The following SPTBN4 variants were observed in gnomAD, a reference collection of about 807,000 sequenced individuals.
SPTBN4 encodes the protein spectrin beta chain, non-erythrocytic 4.
In SPTBN4, 96 loss-of-function variants were observed where a neutral mutation model predicts 277.8. That is an observed-to-expected ratio of 0.35 (90% CI 0.29 to 0.41). The LOEUF (loss-of-function observed/expected upper bound fraction) is 0.41. Among genes scored for constraint, SPTBN4 ranks in the 10% least tolerant of loss-of-function variants. SPTBN4 has a pLI of 1.00. For missense variants in SPTBN4, 3,006 were observed against 3,595.7 expected (o/e 0.84, Z 4.19); for synonymous variants, 1,481 against 1,580.3 (o/e 0.94, Z 1.49).
intron 1 of SPTBN4, 134 bp from the exon 2 acceptor site, chr19:40,472,473 A>T: frequency 1.3e-6 from 1 of 760,204 alleles, no homozygotes; most frequent in Non-Finnish European, 2.1e-6. Flanking sequence ...CACTGTGCCT[A>T]GGCCTTATCA....
intron 20 of SPTBN4, among the ~76,000 whole-genome samples, chr19:40,548,710 A>G (rs1420595762): frequency 1.3e-5 from 2 of 150,888 alleles, no homozygotes; most frequent in Non-Finnish European, 2.9e-5. Context: ...GCGAGACTCC[A>G]TCTCAAAAAA....
chr19:40,560,317 C>A lies in SPTBN4; in HGVS notation c.5829C>A (p.Asp1943Glu), dbSNP rs147141267. 1 of 1,613,986 alleles carries A rather than the reference C, an allele frequency of 6.2e-7. No individual in the cohort carries two copies. Among genetic ancestry groups the A allele is most frequent in the Non-Finnish European group, 8.5e-7 (1 of 1,180,030 alleles). The change falls in exon 27 of 36, where the codon GAC becomes GAA. Residue 1943 changes from aspartate (D) to glutamate (E), a missense_variant. Asp to Glu is a conservative substitution (Grantham distance 45). Around this residue, in one of 5 missense-constraint regions of SPTBN4, gnomAD observed 425 missense variants for 594.7 expected, o/e 0.71. Coordinates refer to ENST00000598249, the MANE Select transcript of SPTBN4 (RefSeq NM_020971.3). The surrounding 1 kb of genome is among the most constrained non-coding windows in gnomAD (Gnocchi z 5.2). ...DARLHVSSTADALRFHSQVRD... is the reference protein window; with the variant it reads ...DARLHVSSTAEALRFHSQVRD... ...GCCTGCATGTCAGCTCCACAGCCGA[C>A]GCCCTGCGCTTCCACAGCCAAGTCC...
chr19:40,520,023 C>T lies in SPTBN4; in HGVS notation c.3526C>T (p.His1176Tyr). The stretch of plus-strand genomic sequence containing the variant: ...CCTGGCACTAGACGAGTGGCTGCCA[C>T]ACCTCGAACTTGGCTGGCATAAACT... Reference protein sequence around the residue: ...PGLALDEWLPHLELGWHKLLG... With the variant: ...PGLALDEWLPYLELGWHKLLG... The change falls in exon 16 of 36, where the codon CAC becomes TAC. Residue 1176 changes from histidine (H) to tyrosine (Y), a missense_variant. Transcript: ENST00000598249. 1.7e-5 allele frequency: 27 copies of T among 1,563,690 alleles called. No individual in the cohort carries two copies. The highest frequency in any genetic ancestry group is 2.3e-5 in the Non-Finnish European group (27 of 1,158,390).
intron 35 of SPTBN4, among the ~76,000 whole-genome samples, chr19:40,572,976 A>T (rs2081168946): frequency 6.6e-6 from 1 of 151,940 alleles, no homozygotes; most frequent in African/African-American, 2.4e-5. Flanking sequence ...AAATAAAAAT[A>T]AAAAGGGTGA....
At chr19:40,524,529 A>C in intron 17 of SPTBN4, 1 of 450,538 alleles carries the variant, frequency 2.2e-6, no homozygotes, top group Non-Finnish European at 4.5e-6. Context: ...AAAATGTGTT[A>C]ACTTACTTCC....
chr19:40,535,293 A>G (rs372328736), intron 20 of SPTBN4, among the ~76,000 whole-genome samples: 53 of 152,190 alleles, frequency 3.5e-4, no homozygotes, highest in African/African-American at 1.2e-3. Flanking sequence ...CTTGGGCTCA[A>G]GCAACCCTCC....
chr19:40,565,951 TG>T (rs1234631565), intron 29 of SPTBN4, among the ~76,000 whole-genome samples: 2 of 151,382 alleles, frequency 1.3e-5, no homozygotes, highest in East Asian at 3.9e-4. Flanking sequence ...AAGTCCTGGG[TG>T]GGGGGACATT....
At chr19:40,491,191 A>G (rs187956307) in intron 4 of SPTBN4, among the ~76,000 whole-genome samples, 19 of 152,314 alleles carry the variant, frequency 1.2e-4, no homozygotes, top group African/African-American at 4.3e-4. Context: ...TACAAAGATG[A>G]AGAGAGAATG....
chr19:40,532,769 C>T lies in SPTBN4; in HGVS notation c.4093C>T (p.Arg1365Trp), dbSNP rs143836762. Residue 1365 changes from arginine to tryptophan, a missense_variant and splice_region_variant, in exon 19 of 36, where the codon CGG (arginine) becomes TGG (tryptophan). Transcript: ENST00000598249. Reference sequence around the variant, plus strand: ...TAAGGAGTGGCTGGAGAAGATCGAGCGGGTGAGGAAGCTGATGGCCCCTCT... The same window carrying T: ...TAAGGAGTGGCTGGAGAAGATCGAGTGGGTGAGGAAGCTGATGGCCCCTCT... The part of the protein sequence containing the change: ...QNKEWLEKIE[R>W]EGQQLMQEKP... The T allele has an allele frequency of 1.0e-4, 162 of 1,608,766 alleles. No homozygotes were observed. Among genetic ancestry groups the T allele is most frequent in the African/African-American group, 6.6e-4 (49 of 74,748 alleles).
At chr19:40,472,141 T>G (rs1430688856) in intron 1 of SPTBN4, among the ~76,000 whole-genome samples, 1 of 151,950 alleles carries the variant, frequency 6.6e-6, no homozygotes, top group Non-Finnish European at 1.5e-5. Context: ...ACTCCCAACC[T>G]CAGGTGATCC....
rs369190813 is a variant in SPTBN4 at position 40,568,748 on chromosome 19, G to C, written c.6956+466G>C. Among the ~76,000 whole-genome samples the C allele has an allele frequency of 7.3e-4, 111 of 152,268 alleles. 1 individual carries two copies. The South Asian group carries it at 0.022, about 30-fold the overall frequency. On this transcript the variant is annotated intron_variant, in intron 31 of 35. Coordinates refer to ENST00000598249, the MANE Select transcript of SPTBN4 (RefSeq NM_020971.3). Reference sequence around the variant, plus strand: ...ACTAGGGCAACTGAGGCACAAAAAGGGCAAGTCACTCAGCTTAAACGAACC... The same window carrying C: ...ACTAGGGCAACTGAGGCACAAAAAGCGCAAGTCACTCAGCTTAAACGAACC...
At chr19:40,564,267 G>C (rs2081071503) in intron 27 of SPTBN4, among the ~76,000 whole-genome samples, 1 of 152,202 alleles carries the variant, frequency 6.6e-6, no homozygotes, top group South Asian at 2.1e-4. Flanking sequence ...TGAGGCAGGG[G>C]AATCGCTTGA....
At chr19:40,494,672 A>ATC (rs1333055722) in intron 5 of SPTBN4, among the ~76,000 whole-genome samples, 4 of 151,004 alleles carry the variant, frequency 2.6e-5, no homozygotes, top group Non-Finnish European at 3.0e-5. Context: ...GTATCTACCT[A>ATC]TCTCTCTCTC....
In SPTBN4 at chr19:40,515,402, C is replaced by G. The variant is rs2080442759; in HGVS notation, c.2857C>G (p.Pro953Ala). The G allele has an allele frequency of 6.3e-7, 1 of 1,592,620 alleles. No individual in the cohort carries two copies. The highest frequency in any genetic ancestry group is 1.7e-4 in the Middle Eastern group (1 of 6,016). Residue 953 changes from proline (P) to alanine (A), a missense_variant, in exon 15 of 36, where the codon CCC becomes GCC. Transcript: ENST00000598249. The surrounding 1 kb of genome is among the most constrained non-coding windows in gnomAD (Gnocchi z 4.1). ...TVQELVEGGH[P>A]SSDEVRSCQD... ...CCAGGAGCTGGTGGAAGGAGGCCAC[C>G]CCAGTTCAGATGAGGTGCGTTCCTG...
At chr19:40,469,333 C>G (rs186247256) in intron 1 of SPTBN4, among the ~76,000 whole-genome samples, 2 of 152,102 alleles carry the variant, frequency 1.3e-5, no homozygotes, top group East Asian at 1.9e-4. Flanking sequence ...GGCACAATCT[C>G]GGCTCACTAC....
chr19:40,522,348 ATTTTTTTT>A (rs567161952), intron 16 of SPTBN4, among the ~76,000 whole-genome samples: 1 of 117,696 alleles, frequency 8.5e-6, no homozygotes, highest in African/African-American at 3.2e-5. Context: ...ATAGTAACCA[ATTTTTTTT>A]TTTTTTTTTT....
chr19:40,572,520 G>T (rs1394239016), intron 35 of SPTBN4, 140 bp downstream of exon 35: 3 of 1,087,984 alleles, frequency 2.8e-6, no homozygotes, highest in Non-Finnish European at 2.7e-6. Flanking sequence ...AAGCCCACAG[G>T]CACTGAGAGC....
intron 2 of SPTBN4, among the ~76,000 whole-genome samples, chr19:40,484,718 G>A (rs1441516473): frequency 6.6e-6 from 1 of 151,876 alleles, no homozygotes; most frequent in Non-Finnish European, 1.5e-5. Flanking sequence ...ACGAGGTCAG[G>A]AGATGGAGAC....
intron 1 of SPTBN4, 110 bp from the exon 2 acceptor site, chr19:40,472,497 C>T: frequency 1.0e-6 from 1 of 991,876 alleles, no homozygotes; most frequent in Non-Finnish European, 1.5e-6. Context: ...TTATTATGTC[C>T]ACTTTAAAGA....
Sources: allele counts gnomAD v4.1 joint callset (sites outside exome capture counted in the v4.1 genomes callset), GRCh38; gene constraint gnomAD v4.1.1; regional missense constraint gnomAD v4.1.1; non-coding constraint Gnocchi (gnomAD v3.1); transcripts MANE v1.5; gene names NCBI Gene and HGNC (gene_info 2026-07-23, HGNC 2026-07-21).